Variants in OPCML observed in about 807,000 individuals in gnomAD.
OPCML encodes opioid-binding protein/cell adhesion molecule.
Under a neutral mutation model 37.8 loss-of-function variants are expected in OPCML, and 13 were observed. The observed-to-expected ratio is 0.34, with a 90% CI of 0.22 to 0.55. The LOEUF (loss-of-function observed/expected upper bound fraction) is 0.55. OPCML is among the 20% of genes least tolerant of loss of function. The pLI is 0.91. For missense variants in OPCML, 341 were observed against 435.6 expected, an observed-to-expected ratio of 0.78 and a Z score of 1.93; for synonymous variants, 176 against 168.8, an observed-to-expected ratio of 1.04 and a Z score of -0.33.
intron 2 of OPCML, among the ~76,000 whole-genome samples, chr11:132,663,024 C>T (rs1252135821): frequency 2.0e-5 from 3 of 152,136 alleles, no homozygotes; most frequent in Admixed American, 1.3e-4. Flanking sequence ...GGGTGCATAC[C>T]TTTGTGTTTT....
At chr11:133,232,785 A>G (rs1940334458) in intron 1 of OPCML, among the ~76,000 whole-genome samples, 1 of 152,170 alleles carries the variant, frequency 6.6e-6, no homozygotes, top group African/African-American at 2.4e-5. Flanking sequence ...AGGAGGGGAA[A>G]AGCGACCCTC....
chr11:132,618,951 GCATACACA>G (rs779950959), intron 3 of OPCML, among the ~76,000 whole-genome samples: 1 of 103,564 alleles, frequency 9.7e-6, no homozygotes, highest in Non-Finnish European at 2.0e-5. Flanking sequence ...ACAAGCACAC[GCATACACA>G]CACACACACA....
chr11:132,881,909 C>T (rs1021326140), intron 2 of OPCML, among the ~76,000 whole-genome samples: 1 of 152,220 alleles, frequency 6.6e-6, no homozygotes, highest in African/African-American at 2.4e-5. Context: ...ATTTAGCATA[C>T]ATTTGCATTC....
At chr11:132,889,824 G>T (rs1410696063) in intron 2 of OPCML, among the ~76,000 whole-genome samples, 1 of 152,196 alleles carries the variant, frequency 6.6e-6, no homozygotes, top group Admixed American at 6.5e-5. Context: ...TGGCATATAG[G>T]AGATGTCAAT....
At chr11:133,103,956 T>C (rs1166905334) in intron 1 of OPCML, among the ~76,000 whole-genome samples, 1 of 152,242 alleles carries the variant, frequency 6.6e-6, no homozygotes, top group Admixed American at 6.5e-5. Flanking sequence ...AATGAGCCTT[T>C]CACAGTGCAA....
At chr11:132,449,662 G>A (rs188969251) in intron 4 of OPCML, among the ~76,000 whole-genome samples, 5 of 152,070 alleles carry the variant, frequency 3.3e-5, no homozygotes, top group Admixed American at 1.3e-4. Context: ...CTGTGACTAC[G>A]GCAGCTCAGC....
intron 1 of OPCML, among the ~76,000 whole-genome samples, chr11:133,453,985 T>C (rs1191611724): frequency 2.6e-5 from 4 of 152,198 alleles, no homozygotes; most frequent in Admixed American, 6.5e-5. Flanking sequence ...CTGTCTGCTG[T>C]AGTTTCACAC....
chr11:133,009,862 AT>A (rs1398658814), intron 1 of OPCML, among the ~76,000 whole-genome samples: 1 of 152,128 alleles, frequency 6.6e-6, no homozygotes, highest in Non-Finnish European at 1.5e-5. Context: ...ATGGACTGGT[AT>A]TGGTCCACAG....
intron 1 of OPCML, among the ~76,000 whole-genome samples, chr11:133,500,158 C>A (rs1019795298): frequency 1.3e-5 from 2 of 152,140 alleles, no homozygotes; most frequent in Non-Finnish European, 2.9e-5. Context: ...GCGTGAGCCA[C>A]CGCACCTGGC....
intron 2 of OPCML, among the ~76,000 whole-genome samples, chr11:132,864,783 T>A: frequency 6.6e-6 from 1 of 152,226 alleles, no homozygotes; most frequent in East Asian, 1.9e-4. Flanking sequence ...CATCTATCTA[T>A]TTTTTTCTAT....
At chr11:133,343,732 A>G (rs1197390570) in intron 1 of OPCML, among the ~76,000 whole-genome samples, 2 of 152,356 alleles carry the variant, frequency 1.3e-5, no homozygotes, top group Non-Finnish European at 2.9e-5. Context: ...TACTTAAAAT[A>G]AAATTCAATC....
rs1284678336 is a variant in OPCML at position 133,286,455 on chromosome 11, C to T, written c.61+245809G>A. 8.1e-5 allele frequency among the ~76,000 whole-genome samples: 9 copies of T among 111,698 alleles called. 1 individual carries two copies. The South Asian group carries it at 8.7e-4, about 11-fold the overall frequency. 73.3% of individuals were successfully genotyped at this position (111,698 alleles called of 152,430 possible). A position where few individuals can be genotyped will look rare whatever the true frequency, so the allele number is the denominator to read the frequency against. ...ACTGCACTCCAGCCTGGCGACAGAGCGAGACTGTGTCTCACAAAAAAAAAA... is the reference window on the plus strand; with the variant it reads ...ACTGCACTCCAGCCTGGCGACAGAGTGAGACTGTGTCTCACAAAAAAAAAA... On this transcript the variant is annotated intron_variant, in intron 1 of 7. Coordinates refer to ENST00000524381, the MANE Select transcript of OPCML (RefSeq NM_001012393.5).
At chr11:133,044,838 C>T (rs2136953614) in intron 1 of OPCML, among the ~76,000 whole-genome samples, 1 of 152,240 alleles carries the variant, frequency 6.6e-6, no homozygotes, top group South Asian at 2.1e-4. Flanking sequence ...AAAAGAACTG[C>T]AGTGAACAGT....
At chr11:133,233,443 G>A (rs927465643) in intron 1 of OPCML, among the ~76,000 whole-genome samples, 1 of 152,132 alleles carries the variant, frequency 6.6e-6, no homozygotes, top group East Asian at 1.9e-4. Flanking sequence ...CTGTTACTGG[G>A]GATGGAGAGT....
chr11:132,861,848 A>C (rs11603664), intron 2 of OPCML, among the ~76,000 whole-genome samples: 10,787 of 151,904 alleles, frequency 0.071, 476 homozygotes, highest in East Asian at 0.14. Flanking sequence ...TAAAAAAAAA[A>C]AAAAAAAACA....
At chr11:132,752,794 A>G (rs1945881301) in intron 2 of OPCML, among the ~76,000 whole-genome samples, 1 of 152,088 alleles carries the variant, frequency 6.6e-6, no homozygotes, top group African/African-American at 2.4e-5. Context: ...TGAAGGATAG[A>G]TAGATGATAT....
intron 3 of OPCML, among the ~76,000 whole-genome samples, chr11:132,580,885 TTTG>T (rs879804668): frequency 1.1e-4 from 17 of 152,140 alleles, no homozygotes; most frequent in Non-Finnish European, 2.2e-4. Flanking sequence ...TTCTTTTTAT[TTTG>T]TTTTCTTTTT....
rs538679579 is a variant in OPCML, at chr11:133,139,151, A to G, written c.62-196141T>C. Among the ~76,000 whole-genome samples, 3 of 152,364 alleles carry G rather than the reference A, an allele frequency of 2.0e-5. No individual in the cohort carries two copies. In the East Asian group the frequency reaches 5.8e-4, roughly 29 times the overall value. ...GTAATGTGACTGAAATGCACTTATT[A>G]TGGTGCTGCTACACTAATAATTAAG... On this transcript the variant is annotated intron_variant, in intron 1 of 7. Transcript: ENST00000524381.
At chr11:132,472,094 C>T (rs549069317) in intron 4 of OPCML, among the ~76,000 whole-genome samples, 5 of 152,152 alleles carry the variant, frequency 3.3e-5, no homozygotes, top group African/African-American at 4.8e-5. Flanking sequence ...CTTCTTCAGT[C>T]GTCTTCCTGA....
Sources: allele counts gnomAD v4.1 joint callset (sites outside exome capture counted in the v4.1 genomes callset), GRCh38; gene constraint gnomAD v4.1.1; transcripts MANE v1.5; gene names NCBI Gene and HGNC (gene_info 2026-07-23, HGNC 2026-07-21).